Variants in ZBTB16 observed in about 807,000 individuals in gnomAD.
ZBTB16 encodes zinc finger and BTB domain containing 16.
In ZBTB16, 8 loss-of-function variants were observed where a neutral mutation model predicts 56.8. The observed-to-expected ratio is 0.14, with a 90% confidence interval of 0.08 to 0.25. ZBTB16 has a LOEUF of 0.25. Ranked by LOEUF, ZBTB16 falls within the 10% of genes least tolerant of loss-of-function variation. ZBTB16 has a pLI of 1.00. For synonymous variants in ZBTB16, 363 were observed against 368.5 expected, an observed-to-expected ratio of 0.98 and a Z score of 0.17; for missense variants, 625 against 903.0, an observed-to-expected ratio of 0.69 and a Z score of 3.95.
intron 2 of ZBTB16, among the ~76,000 whole-genome samples, chr11:114,088,916 G>A (rs1591653829): frequency 6.6e-6 from 1 of 152,166 alleles, no homozygotes; most frequent in Admixed American, 6.5e-5. Flanking sequence ...GTGGCCTGGG[G>A]GCCCCCCCAC....
chr11:114,160,605 A>G (rs1448890214), intron 3 of ZBTB16, among the ~76,000 whole-genome samples: 1 of 152,210 alleles, frequency 6.6e-6, no homozygotes, highest in Non-Finnish European at 1.5e-5. Context: ...CTTCTGAGAG[A>G]CAGTGCCTTC....
chr11:114,192,770 C>G (rs1943528266), intron 4 of ZBTB16, among the ~76,000 whole-genome samples: 2 of 152,160 alleles, frequency 1.3e-5, no homozygotes, highest in African/African-American at 4.8e-5. Context: ...GGGTCCCAGC[C>G]ATTTTCTTAT....
intron 4 of ZBTB16, among the ~76,000 whole-genome samples, chr11:114,194,938 G>T (rs866092876): frequency 1.7e-4 from 26 of 152,198 alleles, no homozygotes; most frequent in African/African-American, 6.0e-4. Flanking sequence ...TTTAATGACC[G>T]ATCAGTAATA....
chr11:114,210,175 G>GTA (rs1337810780), intron 4 of ZBTB16, among the ~76,000 whole-genome samples: 1 of 139,304 alleles, frequency 7.2e-6, no homozygotes, highest in Non-Finnish European at 1.6e-5. Context: ...GTGTGTGTGT[G>GTA]TGTGTGTGTG....
At chr11:114,180,249 C>T (rs1943216554) in intron 3 of ZBTB16, among the ~76,000 whole-genome samples, 1 of 152,190 alleles carries the variant, frequency 6.6e-6, no homozygotes, top group Admixed American at 6.5e-5. Flanking sequence ...CAGGGTGGTG[C>T]TTAGAACATC....
intron 2 of ZBTB16, among the ~76,000 whole-genome samples, chr11:114,117,280 A>G (rs1287188424): frequency 6.6e-6 from 1 of 152,072 alleles, no homozygotes; most frequent in African/African-American, 2.4e-5. Flanking sequence ...TGCAGCAGAG[A>G]GAGAAGCCGA....
chr11:114,088,989 G>A (rs1324332622), intron 2 of ZBTB16, among the ~76,000 whole-genome samples: 2 of 152,206 alleles, frequency 1.3e-5, no homozygotes, highest in African/African-American at 2.4e-5. Flanking sequence ...CCCACAGGGT[G>A]ACCACGAGCA....
chr11:114,215,420 G>A (rs948450468), intron 4 of ZBTB16, among the ~76,000 whole-genome samples: 1 of 152,168 alleles, frequency 6.6e-6, no homozygotes, highest in African/African-American at 2.4e-5. Context: ...GGATGACCAA[G>A]ACCTCACATC....
At position 114,064,356 on chromosome 11, in the gene ZBTB16, G is replaced by C. The variant is rs1939028334; in HGVS notation, c.1056G>C (p.Val352=). 3 of 1,613,904 alleles carry C rather than the reference G, an allele frequency of 1.9e-6. No individual in the cohort carries two copies. Among genetic ancestry groups the C allele is most frequent in the Admixed American group, 1.7e-5 (1 of 60,012 alleles). ...CTGTATTGAGCATGCCGTCTTCCGT[G>C]ACCTCTGGCCTCCACGTGCAGCCTG... ...ADAVLSMPSS[V]TSGLHVQPAL... Residue 352 remains valine, a synonymous_variant, in exon 2 of 7, where the codon GTG becomes GTC. Coordinates refer to ENST00000335953, the MANE Select transcript of ZBTB16 (RefSeq NM_006006.6). This position sits in a 1 kb window ranked among gnomAD's most constrained non-coding sequence, Gnocchi z 4.2.
chr11:114,202,641 A>G (rs1247589240), intron 4 of ZBTB16, among the ~76,000 whole-genome samples: 1 of 152,256 alleles, frequency 6.6e-6, no homozygotes, highest in African/African-American at 2.4e-5. Context: ...AATAATGTAT[A>G]TATTTAGAAA....
chr11:114,184,834 G>A (rs1052677135), intron 3 of ZBTB16, among the ~76,000 whole-genome samples: 10 of 152,128 alleles, frequency 6.6e-5, no homozygotes, highest in Admixed American at 1.3e-4. Flanking sequence ...GTTCTGGCTC[G>A]TACGAGGCTC....
chr11:114,233,636 T>C (rs897559296), intron 4 of ZBTB16, among the ~76,000 whole-genome samples: 2 of 152,136 alleles, frequency 1.3e-5, no homozygotes, highest in Admixed American at 1.3e-4. Flanking sequence ...CTTCCCTTTT[T>C]TTATCCACCC....
intron 2 of ZBTB16, among the ~76,000 whole-genome samples, chr11:114,148,398 TCC>T (rs1565651686): frequency 5.9e-4 from 14 of 23,852 alleles, no homozygotes; most frequent in African/African-American, 3.7e-3. Context: ...CCTCCTTCCC[TCC>T]CTCCCTCCCT....
intron 2 of ZBTB16, among the ~76,000 whole-genome samples, chr11:114,105,515 C>A (rs1414255366): frequency 6.6e-6 from 1 of 152,194 alleles, no homozygotes; most frequent in African/African-American, 2.4e-5. Flanking sequence ...GCTGGGACTG[C>A]AGGAATGAGC....
In ZBTB16 at chr11:114,063,052, G is replaced by C. The variant is rs1938946217; in HGVS notation, c.-90-159G>C. Among the ~76,000 whole-genome samples, 1 of 152,188 alleles carries C rather than the reference G, an allele frequency of 6.6e-6. No homozygotes were observed. Among genetic ancestry groups the C allele is most frequent in the South Asian group, 2.1e-4 (1 of 4,830 alleles). Reference sequence around the variant, plus strand: ...AGGCAGATTTGTAGATTTCTAGGAAGCTACTTCAATTAAAATCTCTAAGAT... The same window carrying C: ...AGGCAGATTTGTAGATTTCTAGGAACCTACTTCAATTAAAATCTCTAAGAT... On this transcript the variant is annotated intron_variant, in intron 1 of 6. Transcript: ENST00000335953. The surrounding 1 kb of genome is among the most constrained non-coding windows in gnomAD (Gnocchi z 6.5).
At chr11:114,107,238 G>C (rs1940825099) in intron 2 of ZBTB16, among the ~76,000 whole-genome samples, 2 of 152,120 alleles carry the variant, frequency 1.3e-5, no homozygotes, top group African/African-American at 4.8e-5. Context: ...CACTTCCTAG[G>C]TGCATGGGAG....
At chr11:114,159,819 A>G (rs1398271530) in intron 3 of ZBTB16, among the ~76,000 whole-genome samples, 2 of 152,082 alleles carry the variant, frequency 1.3e-5, no homozygotes, top group Non-Finnish European at 1.5e-5. Flanking sequence ...AAGAAAGCTG[A>G]CAGTGAGAAT....
chr11:114,227,693 C>T (rs1182602672), intron 4 of ZBTB16, among the ~76,000 whole-genome samples: 1 of 152,140 alleles, frequency 6.6e-6, no homozygotes, highest in Non-Finnish European at 1.5e-5. Context: ...TGCAAGGCCC[C>T]ATACTCCCTG....
intron 2 of ZBTB16, among the ~76,000 whole-genome samples, chr11:114,070,624 C>T (rs1220679769): frequency 6.6e-6 from 1 of 152,168 alleles, no homozygotes; most frequent in Non-Finnish European, 1.5e-5. Context: ...TGCACCAGGC[C>T]ATATAAGAAC....
Sources: allele counts gnomAD v4.1 joint callset (sites outside exome capture counted in the v4.1 genomes callset), GRCh38; gene constraint gnomAD v4.1.1; non-coding constraint Gnocchi (gnomAD v3.1); transcripts MANE v1.5; gene names NCBI Gene and HGNC (gene_info 2026-07-23, HGNC 2026-07-21).